The following KDM2B variants were observed in gnomAD, a reference collection of about 807,000 sequenced individuals.
The protein encoded by KDM2B is lysine demethylase 2B.
KDM2B carries 26 observed loss-of-function variants against 150.0 expected under a neutral mutation model. The ratio of observed to expected loss-of-function variants is 0.17; its 90% CI spans 0.13 to 0.24. The LOEUF (loss-of-function observed/expected upper bound fraction) is 0.24, where lower values mean the gene tolerates loss of function less well. Ranked by LOEUF, KDM2B falls within the 10% of genes least tolerant of loss-of-function variation. KDM2B has a pLI of 1.00. For synonymous variants in KDM2B, 734 were observed against 729.5 expected, an observed-to-expected ratio of 1.01 and a Z score of -0.10; for missense variants, 1,265 against 1,816.9, an observed-to-expected ratio of 0.70 and a Z score of 5.52.
intron 11 of KDM2B, among the ~76,000 whole-genome samples, chr12:121,502,751 C>A (rs532682386): frequency 7.6e-6 from 1 of 131,632 alleles, no homozygotes; most frequent in Non-Finnish European, 1.6e-5. Flanking sequence ...GCGAGACCCC[C>A]ATCTCTACCA....
chr12:121,575,909 A>T lies in KDM2B; in HGVS notation c.272-50T>A. Reference sequence around the variant, plus strand: ...AAGTTGGTTAAGTCACGAAGGAGCAAATGAACCGGGATCTGTTGGTTAGGG... The same window carrying T: ...AAGTTGGTTAAGTCACGAAGGAGCATATGAACCGGGATCTGTTGGTTAGGG... On this transcript the variant is annotated intron_variant, in intron 2 of 22. Coordinates refer to ENST00000377071, the MANE Select transcript of KDM2B (RefSeq NM_032590.5). The surrounding 1 kb of genome is among the most constrained non-coding windows in gnomAD (Gnocchi z 4.4). 1 of 1,398,916 alleles carries T rather than the reference A, an allele frequency of 7.1e-7. No homozygotes were observed. Among genetic ancestry groups the T allele is most frequent in the Non-Finnish European group, 1.0e-6 (1 of 984,332 alleles). The allele number at this position is 1,398,916 out of a possible 1,614,324, so 86.7% of individuals were successfully genotyped here. A position where few individuals can be genotyped will look rare whatever the true frequency, so the allele number is the denominator to read the frequency against.
At chr12:121,565,905 A>G (rs28398990) in intron 4 of KDM2B, among the ~76,000 whole-genome samples, 37,763 of 150,904 alleles carry the variant, frequency 0.25, 10,470 homozygotes, top group African/African-American at 0.68. Context: ...GGGATTACAG[A>G]TGTGAGCCAC....
the KDM2B span, chr12:121,417,484 A>AT: frequency 2.2e-3 from 3,512 of 1,596,884 alleles, 59 homozygotes; most frequent in African/African-American, 0.042. This position sits in a 1 kb window ranked among gnomAD's most constrained non-coding sequence, Gnocchi z 5.0. Flanking sequence ...TGCTGTCATC[A>AT]AATGCTTTTC....
At chr12:121,446,779 C>T (rs1326880228) in intron 13 of KDM2B, among the ~76,000 whole-genome samples, 1 of 152,198 alleles carries the variant, frequency 6.6e-6, no homozygotes, top group South Asian at 2.1e-4. Context: ...CTTTTATGAA[C>T]CACCATAACC....
At chr12:121,500,023 C>T (rs782817543) in intron 11 of KDM2B, among the ~76,000 whole-genome samples, 16 of 152,010 alleles carry the variant, frequency 1.1e-4, no homozygotes, top group Non-Finnish European at 2.2e-4. Context: ...CAGGATCTCA[C>T]ACTCATACCT....
chr12:121,523,078 C>A (rs906431112), intron 8 of KDM2B, among the ~76,000 whole-genome samples: 7 of 152,170 alleles, frequency 4.6e-5, no homozygotes, highest in African/African-American at 1.4e-4. Context: ...AGGAGATGGG[C>A]AGGAGGAGAA....
chr12:121,562,396 A>G (rs1890408294), intron 4 of KDM2B, among the ~76,000 whole-genome samples: 1 of 152,070 alleles, frequency 6.6e-6, no homozygotes, highest in Admixed American at 6.6e-5. Context: ...AGCCAGGAGA[A>G]TCATTTGAAC....
chr12:121,473,720 C>CAAAA (rs34681676), intron 12 of KDM2B, among the ~76,000 whole-genome samples: 2,912 of 122,322 alleles, frequency 0.024, 158 homozygotes, highest in African/African-American at 0.077. Flanking sequence ...ACTCCCAACT[C>CAAAA]AAAAAAAAAA....
chr12:121,429,909 A>G lies in KDM2B; in HGVS notation c.*379T>C. 2 of 611,830 alleles carry G rather than the reference A, an allele frequency of 3.3e-6. No individual in the cohort carries two copies. Among genetic ancestry groups the G allele is most frequent in the Non-Finnish European group, 5.9e-6 (2 of 340,424 alleles). 37.9% of individuals were successfully genotyped at this position (611,830 alleles called of 1,614,324 possible). On this transcript the variant is annotated 3_prime_UTR_variant, in exon 23 of 23. Transcript: ENST00000377071. ...GTGGTGTGTGGTCCACTTTATGTCA[A>G]CACCCAAAACCTCGGTGTTGCAAGG... is the stretch of plus-strand genomic sequence containing the variant.
downstream of KDM2B, among the ~76,000 whole-genome samples, chr12:121,424,832 G>A (rs1242641635): frequency 1.3e-5 from 2 of 152,048 alleles, no homozygotes; most frequent in Admixed American, 6.5e-5. Flanking sequence ...TCCAGGTATT[G>A]CGCTAGGTGC....
chr12:121,443,788 T>TGAG lies in KDM2B; in HGVS notation c.2454_2456dup (p.Ser820dup), dbSNP rs782431982. The TGAG allele has an allele frequency of 6.3e-7, 1 of 1,590,828 alleles. No individual in the cohort carries two copies. The highest frequency in any genetic ancestry group is 8.6e-7 in the Non-Finnish European group (1 of 1,167,156). On this transcript the variant is annotated inframe_insertion, in exon 17 of 23. Coordinates refer to ENST00000377071, the MANE Select transcript of KDM2B (RefSeq NM_032590.5). ...AGGAACCGGGGGACGTTTGAAGCGA[T>TGAG]GAGGCCTAAAGGGGGGTGGAGTGGG...
At chr12:121,474,924 C>T (rs1371554288) in intron 12 of KDM2B, among the ~76,000 whole-genome samples, 1 of 152,044 alleles carries the variant, frequency 6.6e-6, no homozygotes, top group Non-Finnish European at 1.5e-5. Context: ...TCACTGCTCT[C>T]CAGCCTGGGA....
intron 11 of KDM2B, among the ~76,000 whole-genome samples, chr12:121,499,087 G>C (rs1158268391): frequency 1.3e-5 from 2 of 150,738 alleles, no homozygotes; most frequent in East Asian, 2.0e-4. Context: ...TTACAGGTGT[G>C]AGCCACCACA....
At chr12:121,507,129 T>C (rs189443856) in intron 11 of KDM2B, among the ~76,000 whole-genome samples, 11 of 139,978 alleles carry the variant, frequency 7.9e-5, no homozygotes, top group Admixed American at 2.2e-4. Context: ...ACAGCTAAGT[T>C]CAATAAATGA....
downstream of KDM2B, among the ~76,000 whole-genome samples, chr12:121,428,321 T>C (rs1446132082): frequency 6.6e-6 from 1 of 152,038 alleles, no homozygotes; most frequent in Non-Finnish European, 1.5e-5. Flanking sequence ...GCCTCCTGAG[T>C]AGCTGGGACT....
chr12:121,490,235 G>A (rs1252981823), intron 12 of KDM2B, among the ~76,000 whole-genome samples: 1 of 152,190 alleles, frequency 6.6e-6, no homozygotes, highest in African/African-American at 2.4e-5. Context: ...CTCCTGTGTG[G>A]CCCCAAAATG....
intron 12 of KDM2B, among the ~76,000 whole-genome samples, chr12:121,479,096 T>C (rs370087874): frequency 2.0e-5 from 3 of 152,014 alleles, no homozygotes; most frequent in Non-Finnish European, 4.4e-5. Context: ...TGAACTCCTA[T>C]ACCACAAGGA....
At chr12:121,460,029 C>CA (rs1389059148) in intron 12 of KDM2B, among the ~76,000 whole-genome samples, 2 of 151,966 alleles carry the variant, frequency 1.3e-5, no homozygotes, top group Admixed American at 6.6e-5. Context: ...GCTATTTCTC[C>CA]AAAAAAGATC....
At chr12:121,505,820 G>A (rs1000941431) in intron 11 of KDM2B, among the ~76,000 whole-genome samples, 5 of 152,064 alleles carry the variant, frequency 3.3e-5, no homozygotes, top group African/African-American at 9.7e-5. Flanking sequence ...ACTGGGCATC[G>A]GCTATGAATT....
Sources: gnomAD v4.1 joint callset for allele counts (sites outside exome capture counted in the v4.1 genomes callset) on GRCh38, gnomAD v4.1.1 for gene constraint, Gnocchi (gnomAD v3.1) non-coding constraint, MANE v1.5 for transcripts, NCBI Gene and HGNC (gene_info 2026-07-23, HGNC 2026-07-21) for gene names.